Variants in SLC44A5 observed in about 807,000 individuals in gnomAD.
SLC44A5 encodes the protein solute carrier family 44 member 5, also known as choline transporter-like protein 5.
A neutral mutation model predicts 101.8 loss-of-function variants in SLC44A5; 57 were observed. The ratio of observed to expected loss-of-function variants is 0.56; its 90% CI spans 0.45 to 0.70. SLC44A5 has a LOEUF of 0.70. SLC44A5 is among the 30% of genes least tolerant of loss of function. The pLI, the probability that SLC44A5 is intolerant of heterozygous loss-of-function variation, is 0.00. For synonymous variants in SLC44A5, 281 were observed against 290.9 expected (o/e 0.97, Z 0.35); for missense variants, 737 against 853.1 (o/e 0.86, Z 1.70).
chr1:75,618,020 T>A, the SLC44A5 span, among the ~76,000 whole-genome samples: 1 of 152,226 alleles, frequency 6.6e-6, no homozygotes, highest in Non-Finnish European at 1.5e-5. Flanking sequence ...CGTGGAGGTA[T>A]GATAACTTGC....
intron 2 of SLC44A5, among the ~76,000 whole-genome samples, chr1:75,537,029 A>ATATATATATATAT (rs1228367756): frequency 3.2e-4 from 8 of 25,252 alleles, no homozygotes; most frequent in Non-Finnish European, 9.6e-4. Context: ...AAAAAAAAAA[A>ATATATATATATAT]AAAAATATAT....
intron 7 of SLC44A5, among the ~76,000 whole-genome samples, chr1:75,249,990 A>C (rs1454878461): frequency 4.6e-5 from 7 of 152,140 alleles, no homozygotes; most frequent in Non-Finnish European, 5.9e-5. Context: ...GAAACATATA[A>C]ATTTCTTTTT....
chr1:75,243,672 A>G (rs1346170838), intron 7 of SLC44A5, among the ~76,000 whole-genome samples: 1 of 152,118 alleles, frequency 6.6e-6, no homozygotes, highest in Non-Finnish European at 1.5e-5. Context: ...TTTCATAACC[A>G]TAACACAATA....
At chr1:75,626,390 A>G in the SLC44A5 span, among the ~76,000 whole-genome samples, 1 of 152,094 alleles carries the variant, frequency 6.6e-6, no homozygotes, top group Non-Finnish European at 1.5e-5. Context: ...CTCTCCTGCT[A>G]ATATACCTGC....
intron 4 of SLC44A5, among the ~76,000 whole-genome samples, chr1:75,307,271 A>G (rs1393866560): frequency 6.6e-6 from 1 of 152,114 alleles, no homozygotes; most frequent in African/African-American, 2.4e-5. Flanking sequence ...TGTCTACAAC[A>G]TGGCTGCATT....
At chr1:75,615,949 A>G (rs1170927057), upstream of SLC44A5, 1 of 913,088 alleles carries the variant, frequency 1.1e-6, no homozygotes, top group Non-Finnish European at 1.3e-6. Context: ...CGCAGCTCCC[A>G]GGCGAGCCCT....
At chr1:75,240,720 G>A (rs1262506592) in intron 9 of SLC44A5, among the ~76,000 whole-genome samples, 1 of 151,870 alleles carries the variant, frequency 6.6e-6, no homozygotes, top group East Asian at 1.9e-4. Flanking sequence ...TACTTCAGTG[G>A]GTATTTGACT....
chr1:75,656,940 G>A, the SLC44A5 span, among the ~76,000 whole-genome samples: 1 of 152,148 alleles, frequency 6.6e-6, no homozygotes, highest in Non-Finnish European at 1.5e-5. Flanking sequence ...CCTGAGATCA[G>A]GAGTTCGAGA....
chr1:75,643,434 A>AT, the SLC44A5 span, among the ~76,000 whole-genome samples: 22 of 152,310 alleles, frequency 1.4e-4, no homozygotes, highest in Admixed American at 9.2e-4. Context: ...ATATCGTTTA[A>AT]TTATATGTAT....
chr1:75,617,138 G>C, the SLC44A5 span, among the ~76,000 whole-genome samples: 2 of 152,144 alleles, frequency 1.3e-5, no homozygotes, highest in Non-Finnish European at 2.9e-5. Flanking sequence ...GAGGTTACCA[G>C]GGTGTGCCAC....
intron 4 of SLC44A5, among the ~76,000 whole-genome samples, chr1:75,325,659 T>G (rs1378261229): frequency 6.6e-6 from 1 of 152,158 alleles, no homozygotes; most frequent in African/African-American, 2.4e-5. Context: ...AACCTCTTCT[T>G]GTGCTTAATT....
At chr1:75,705,450 T>C in the SLC44A5 span, among the ~76,000 whole-genome samples, 2 of 152,182 alleles carry the variant, frequency 1.3e-5, no homozygotes, top group Admixed American at 6.5e-5. Flanking sequence ...GATAGTTTAT[T>C]CAGGTTTACA....
the SLC44A5 span, among the ~76,000 whole-genome samples, chr1:75,677,039 T>A: frequency 6.6e-6 from 1 of 152,136 alleles, no homozygotes; most frequent in African/African-American, 2.4e-5. Flanking sequence ...TTAAGGACTT[T>A]CCCAGATAAA....
intron 23 of SLC44A5, among the ~76,000 whole-genome samples, chr1:75,209,668 C>CA (rs1414372259): frequency 6.6e-6 from 1 of 152,108 alleles, no homozygotes; most frequent in African/African-American, 2.4e-5. Flanking sequence ...AACAAACAAA[C>CA]AAAAAACAAG....
At chr1:75,244,288 CAT>C (rs1281722849) in intron 7 of SLC44A5, among the ~76,000 whole-genome samples, 1 of 152,024 alleles carries the variant, frequency 6.6e-6, no homozygotes, top group Non-Finnish European at 1.5e-5. Flanking sequence ...TTTTATCAGA[CAT>C]GTGGTTGTGT....
chr1:75,430,093 T>C (rs1001290741), intron 2 of SLC44A5, among the ~76,000 whole-genome samples: 1 of 152,170 alleles, frequency 6.6e-6, no homozygotes, highest in Non-Finnish European at 1.5e-5. Flanking sequence ...CATTTATGTG[T>C]TGGAAACTTA....
In SLC44A5 at chr1:75,207,526, A is replaced by T. The variant is rs557281146; in HGVS notation, c.2048-3693T>A. Among the ~76,000 whole-genome samples, 16 of 152,256 alleles carry T rather than the reference A, an allele frequency of 1.1e-4. No individual in the cohort carries two copies. The South Asian group carries it at 3.3e-3, about 32-fold the overall frequency. On this transcript the variant is annotated intron_variant, in intron 23 of 23. Transcript: ENST00000370859. ...GAAATTAAGCCTCCCGCAGATATAT[A>T]CAATTCACAGCAGATAGTAGCTATA...
chr1:75,597,990 C>T (rs1386676561), intron 1 of SLC44A5, among the ~76,000 whole-genome samples: 2 of 151,890 alleles, frequency 1.3e-5, no homozygotes, highest in Non-Finnish European at 2.9e-5. Context: ...AAACTACCAA[C>T]AGAGTAAAAA....
intron 1 of SLC44A5, among the ~76,000 whole-genome samples, chr1:75,577,033 C>T (rs540688096): frequency 6.6e-6 from 1 of 152,300 alleles, no homozygotes; most frequent in Admixed American, 6.5e-5. Flanking sequence ...AATGCTTTTC[C>T]CATGATTCAG....
Sources: gnomAD v4.1 joint callset for allele counts (sites outside exome capture counted in the v4.1 genomes callset) on GRCh38, gnomAD v4.1.1 for gene constraint, MANE v1.5 for transcripts, NCBI Gene and HGNC (gene_info 2026-07-23, HGNC 2026-07-21) for gene names.